CACNB4: variants seen among roughly 807,000 people sequenced by gnomAD.
CACNB4 encodes the protein calcium voltage-gated channel auxiliary subunit beta 4.
A neutral mutation model predicts 71.2 loss-of-function variants in CACNB4; 32 were observed. The observed-to-expected ratio is 0.45, with a 90% CI of 0.34 to 0.60. The LOEUF (loss-of-function observed/expected upper bound fraction) is 0.60. CACNB4 is among the 20% of genes least tolerant of loss of function. CACNB4 has a pLI of 0.01. For synonymous variants in CACNB4, 231 were observed against 236.9 expected (o/e 0.97, Z 0.23); for missense variants, 464 against 647.9 (o/e 0.72, Z 3.08).
chr2:151,939,688 A>T (rs1374694172), intron 2 of CACNB4, among the ~76,000 whole-genome samples: 2 of 152,120 alleles, frequency 1.3e-5, no homozygotes, highest in Admixed American at 1.3e-4. Flanking sequence ...CAATTTGCTG[A>T]GTGCCTTCCA....
At chr2:151,955,862 A>G (rs2099868119) in intron 2 of CACNB4, among the ~76,000 whole-genome samples, 1 of 152,056 alleles carries the variant, frequency 6.6e-6, no homozygotes, top group Non-Finnish European at 1.5e-5. Flanking sequence ...TGATTGCACT[A>G]CTGCCCTCCA....
At chr2:151,903,557 G>A (rs1456447348) in intron 2 of CACNB4, among the ~76,000 whole-genome samples, 1 of 152,052 alleles carries the variant, frequency 6.6e-6, no homozygotes, top group Non-Finnish European at 1.5e-5. Context: ...GAATAAAACC[G>A]GGAATGACAC....
At chr2:151,981,651 C>T (rs141348544) in intron 2 of CACNB4, among the ~76,000 whole-genome samples, 1 of 152,052 alleles carries the variant, frequency 6.6e-6, no homozygotes, top group Non-Finnish European at 1.5e-5. Context: ...TGTGCCAGAG[C>T]ATGTATCCCT....
intron 2 of CACNB4, among the ~76,000 whole-genome samples, chr2:152,001,162 T>C (rs1427283038): frequency 1.3e-5 from 2 of 152,064 alleles, no homozygotes; most frequent in African/African-American, 4.8e-5. Context: ...GATTCAAACC[T>C]AGGAGGTCGG....
rs987313992 is a variant in CACNB4, at chr2:152,091,741, T to A, written c.147+6589A>T. Among the ~76,000 whole-genome samples the A allele has an allele frequency of 1.4e-4, 21 of 152,352 alleles. No individual in the cohort carries two copies. The South Asian group carries it at 4.3e-3, about 32-fold the overall frequency. ...TCTACTTTCCATCTCAGAGGGCCAC[T>A]GCCTGCAGCTTGTTTCCCAGAATCC... On this transcript the variant is annotated intron_variant, in intron 2 of 13. Transcript: ENST00000539935.
chr2:152,025,000 G>C (rs919263816), intron 2 of CACNB4, among the ~76,000 whole-genome samples: 2 of 152,144 alleles, frequency 1.3e-5, no homozygotes, highest in Non-Finnish European at 2.9e-5. Flanking sequence ...GGGTTGCAGT[G>C]AGCCAAGATC....
intron 2 of CACNB4, among the ~76,000 whole-genome samples, chr2:152,006,021 T>C (rs1682705538): frequency 6.6e-6 from 1 of 152,246 alleles, no homozygotes; most frequent in African/African-American, 2.4e-5. Context: ...AATCATTTTT[T>C]AAGTACTTAG....
In CACNB4 at chr2:151,855,201, T is replaced by C. The variant is rs372874201; in HGVS notation, c.1020+23A>G. 5 of 1,503,154 alleles carry C rather than the reference T, an allele frequency of 3.3e-6. No individual in the cohort carries two copies. The African/African-American group carries it at 6.8e-5, about 21-fold the overall frequency. The allele number at this position is 1,503,154 out of a possible 1,614,324, so 93.1% of individuals were successfully genotyped here. A position where few individuals can be genotyped will look rare whatever the true frequency, so the allele number is the denominator to read the frequency against. Reference sequence around the variant, plus strand: ...TTTTAAAAGATGCACTTCTAAACCTTAAGGCAGAAAGGAGCTAATTACCTT... The same window carrying C: ...TTTTAAAAGATGCACTTCTAAACCTCAAGGCAGAAAGGAGCTAATTACCTT... On this transcript the variant is annotated intron_variant, in intron 11 of 13. Transcript: ENST00000539935.
intron 2 of CACNB4, among the ~76,000 whole-genome samples, chr2:151,884,495 G>A (rs1195888371): frequency 5.7e-4 from 85 of 148,804 alleles, no homozygotes; most frequent in Admixed American, 1.9e-3. Flanking sequence ...TTAGCCAGGC[G>A]TGGTGGCGGG....
intron 2 of CACNB4, among the ~76,000 whole-genome samples, chr2:151,986,901 G>C (rs1027610051): frequency 8.5e-5 from 13 of 152,098 alleles, no homozygotes; most frequent in Non-Finnish European, 1.6e-4. Context: ...AGTTCAGCAG[G>C]AGTTGCTTCA....
intron 2 of CACNB4, among the ~76,000 whole-genome samples, chr2:151,979,469 A>G (rs1387539006): frequency 6.6e-6 from 1 of 152,144 alleles, no homozygotes; most frequent in Admixed American, 6.5e-5. Context: ...TAAAAAAAAA[A>G]AAAAGAGCCA....
intron 2 of CACNB4, among the ~76,000 whole-genome samples, chr2:152,035,651 C>CTCTCTCTCTCTCTCTA (rs796161186): frequency 4.2e-4 from 49 of 118,070 alleles, no homozygotes; most frequent in South Asian, 1.1e-3. Flanking sequence ...CTCTCTCTCT[C>CTCTCTCTCTCTCTCTA]TATATATATA....
At chr2:151,878,691 G>C (rs1311866185) in intron 4 of CACNB4, among the ~76,000 whole-genome samples, 1 of 146,498 alleles carries the variant, frequency 6.8e-6, no homozygotes, top group Non-Finnish European at 1.5e-5. Context: ...TAGTATAGTA[G>C]TGTACTACTA....
At chr2:151,875,699 G>A in intron 5 of CACNB4, among the ~76,000 whole-genome samples, 1 of 101,852 alleles carries the variant, frequency 9.8e-6, no homozygotes, top group African/African-American at 4.2e-5. Context: ...CTCCCGGACG[G>A]GCGGCTGGCC....
chr2:151,959,389 C>A (rs2099869081), intron 2 of CACNB4, among the ~76,000 whole-genome samples: 1 of 152,164 alleles, frequency 6.6e-6, no homozygotes, highest in Admixed American at 6.5e-5. Flanking sequence ...GTTTCCAGAA[C>A]AAGGTGTCCC....
intron 2 of CACNB4, among the ~76,000 whole-genome samples, chr2:152,016,240 T>G (rs187827575): frequency 8.5e-5 from 13 of 152,342 alleles, no homozygotes; most frequent in Admixed American, 3.3e-4. Context: ...TTAAAATTAT[T>G]AATGGCAAGA....
chr2:151,874,617 G>C (rs908161064), intron 5 of CACNB4, among the ~76,000 whole-genome samples: 9 of 152,138 alleles, frequency 5.9e-5, no homozygotes, highest in African/African-American at 2.2e-4. Flanking sequence ...ATTACAGTTG[G>C]TGCGGTTCTT....
intron 2 of CACNB4, among the ~76,000 whole-genome samples, chr2:152,013,817 G>C (rs1683195240): frequency 6.6e-6 from 1 of 152,176 alleles, no homozygotes; most frequent in South Asian, 2.1e-4. Flanking sequence ...CCTTCCTTCG[G>C]AAGAATGTAA....
chr2:152,002,381 A>G (rs1416093140), intron 2 of CACNB4, among the ~76,000 whole-genome samples: 2 of 152,202 alleles, frequency 1.3e-5, no homozygotes, highest in Non-Finnish European at 2.9e-5. Context: ...TGGAGCTGAT[A>G]TAAATCAAAG....
Sources: gnomAD v4.1 joint callset for allele counts (sites outside exome capture counted in the v4.1 genomes callset) on GRCh38, gnomAD v4.1.1 for gene constraint, MANE v1.5 for transcripts, NCBI Gene and HGNC (gene_info 2026-07-23, HGNC 2026-07-21) for gene names.